Variants in CBFA2T2 observed in about 807,000 individuals in gnomAD.
CBFA2T2 encodes the protein protein CBFA2T2.
In CBFA2T2, 11 loss-of-function variants were observed where a neutral mutation model predicts 62.2. That is an observed-to-expected ratio of 0.18 (90% CI 0.11 to 0.29). The LOEUF (loss-of-function observed/expected upper bound fraction) is 0.29. Ranked by LOEUF, CBFA2T2 falls within the 10% of genes least tolerant of loss-of-function variation. CBFA2T2 has a pLI of 1.00. For synonymous variants in CBFA2T2, 295 were observed against 287.5 expected, an observed-to-expected ratio of 1.03 and a Z score of -0.27; for missense variants, 592 against 774.1, an observed-to-expected ratio of 0.76 and a Z score of 2.79.
chr20:33,643,825 A>ATGTGTG (rs58366038), intron 10 of CBFA2T2, among the ~76,000 whole-genome samples: 1,208 of 73,304 alleles, frequency 0.016, 39 homozygotes, highest in African/African-American at 0.023. Context: ...ATAGTATATA[A>ATGTGTG]TGTGTGTGTG....
chr20:33,494,049 T>C (rs1172843174), intron 1 of CBFA2T2, among the ~76,000 whole-genome samples: 1 of 149,760 alleles, frequency 6.7e-6, no homozygotes, highest in African/African-American at 2.5e-5. Flanking sequence ...CCCCTGGTAA[T>C]TTTGTGTTTT....
At chr20:33,526,730 C>CA (rs56981202) in intron 1 of CBFA2T2, among the ~76,000 whole-genome samples, 1,894 of 145,834 alleles carry the variant, frequency 0.013, 34 homozygotes, top group African/African-American at 0.043. Context: ...GCCAAATTTT[C>CA]AAAAAAAAAA....
chr20:33,559,528 C>A (rs1290089489), intron 1 of CBFA2T2, among the ~76,000 whole-genome samples: 1 of 151,960 alleles, frequency 6.6e-6, no homozygotes, highest in African/African-American at 2.4e-5. Flanking sequence ...TCCTCTGTCA[C>A]CAGCCTGGAG....
chr20:33,518,624 T>A (rs2146859642), intron 1 of CBFA2T2, among the ~76,000 whole-genome samples: 1 of 150,766 alleles, frequency 6.6e-6, no homozygotes, highest in South Asian at 2.1e-4. Context: ...AAAAAAAAAT[T>A]AGCTGGGCAT....
chr20:33,636,938 C>T (rs2016655343), intron 9 of CBFA2T2, among the ~76,000 whole-genome samples: 1 of 152,184 alleles, frequency 6.6e-6, no homozygotes, highest in African/African-American at 2.4e-5. Flanking sequence ...CAGTCCCTTT[C>T]ACACTCTTCC....
At chr20:33,630,024 T>G in intron 8 of CBFA2T2, 110 bp downstream of exon 8, 1 of 974,942 alleles carries the variant, frequency 1.0e-6, no homozygotes, top group Non-Finnish European at 1.5e-6. Context: ...GGTACTCAAT[T>G]GTGGATTTAG....
intron 3 of CBFA2T2, among the ~76,000 whole-genome samples, chr20:33,617,833 C>T (rs2015767430): frequency 6.6e-6 from 1 of 152,142 alleles, no homozygotes; most frequent in Non-Finnish European, 1.5e-5. Context: ...TTAAATTGGA[C>T]ATACCCCTTT....
At chr20:33,619,701 G>A (rs1053154970) in intron 4 of CBFA2T2, 95 bp downstream of exon 4, 15 of 834,782 alleles carry the variant, frequency 1.8e-5, no homozygotes, top group Middle Eastern at 3.4e-4. Context: ...CGCTTGCCAC[G>A]TTTTTAGATC....
intron 3 of CBFA2T2, 47 bp downstream of exon 3, chr20:33,611,382 C>A: frequency 6.2e-7 from 1 of 1,603,576 alleles, no homozygotes; most frequent in South Asian, 1.1e-5. Flanking sequence ...GTATGTGGCT[C>A]AGGTCCAAAG....
At chr20:33,545,439 CTCTTTCTTTCTTTCTTTCTT>C (rs142619958) in intron 1 of CBFA2T2, among the ~76,000 whole-genome samples, 1 of 148,146 alleles carries the variant, frequency 6.8e-6, no homozygotes, top group South Asian at 2.2e-4. Flanking sequence ...CTCTTTCTTT[CTCTTTCTTTCTTTCTTTCTT>C]TCTTTCTTTC....
chr20:33,628,769 T>C (rs2016344871), intron 7 of CBFA2T2, among the ~76,000 whole-genome samples: 1 of 152,168 alleles, frequency 6.6e-6, no homozygotes, highest in Non-Finnish European at 1.5e-5. Flanking sequence ...GCACTCAGCC[T>C]ACTTAATGCT....
chr20:33,529,493 G>A (rs911525571), intron 1 of CBFA2T2, among the ~76,000 whole-genome samples: 3 of 151,698 alleles, frequency 2.0e-5, no homozygotes, highest in Non-Finnish European at 4.4e-5. Flanking sequence ...AGCCAGGCAT[G>A]GTGGCTCGCG....
At chr20:33,513,106 T>TA (rs2011538292) in intron 1 of CBFA2T2, among the ~76,000 whole-genome samples, 1 of 152,102 alleles carries the variant, frequency 6.6e-6, no homozygotes, top group African/African-American at 2.4e-5. Context: ...TGGAGGGACA[T>TA]ACAGTGTGCA....
In CBFA2T2 at chr20:33,623,273, T is replaced by C. The variant is rs529484931; in HGVS notation, c.669T>C (p.Asn223=). 2.5e-6 allele frequency: 4 copies of C among 1,614,164 alleles called. No homozygotes were observed. The East Asian group carries it at 8.9e-5, about 36-fold the overall frequency. ...SSELLMEVHG[N]GKRPSPERRE... ...AGTTGCTCATGGAGGTGCACGGAAA[T>C]GGGAAGAGGCCCAGTCCAGAGAGGT... Residue 223 remains asparagine, a synonymous_variant, in exon 5 of 11, where the codon AAT becomes AAC. Transcript: ENST00000342704.
intron 2 of CBFA2T2, among the ~76,000 whole-genome samples, chr20:33,607,667 C>G (rs1006755577): frequency 1.3e-5 from 2 of 152,144 alleles, no homozygotes; most frequent in Non-Finnish European, 2.9e-5. Context: ...CTCACATGGT[C>G]TTTCCTCCAT....
chr20:33,649,236 A>G lies in CBFA2T2; in HGVS notation c.*4590A>G, dbSNP rs1333725108. On this transcript the variant is annotated 3_prime_UTR_variant, in exon 11 of 11. Transcript: ENST00000342704. ...AACCAAACGGAAGAATAGCCAGCGG[A>G]GCATGGACTGTTCCAGCACGGGCCA... is the stretch of plus-strand genomic sequence containing the variant. 1 of 152,326 alleles carries G rather than the reference A, an allele frequency of 6.6e-6. No homozygotes were observed. The allele number at this position is 152,326 out of a possible 1,614,324, so 9.4% of individuals were successfully genotyped here.
intron 1 of CBFA2T2, among the ~76,000 whole-genome samples, chr20:33,535,998 A>T (rs999939409): frequency 2.6e-5 from 4 of 152,218 alleles, no homozygotes; most frequent in African/African-American, 9.6e-5. Context: ...AAGGTCACCG[A>T]TCAACAGGAT....
At chr20:33,573,972 A>C in intron 1 of CBFA2T2, 1 of 366,086 alleles carries the variant, frequency 2.7e-6, no homozygotes, top group Non-Finnish European at 4.6e-6. Flanking sequence ...TTTTTTTTGT[A>C]GAGGTGGGGT....
chr20:33,588,489 A>G (rs972765121), intron 1 of CBFA2T2, among the ~76,000 whole-genome samples: 5 of 152,006 alleles, frequency 3.3e-5, no homozygotes, highest in African/African-American at 1.2e-4. Flanking sequence ...CGTGATATGT[A>G]TTTCTTTCTT....
Sources: gnomAD v4.1 joint callset for allele counts (sites outside exome capture counted in the v4.1 genomes callset) on GRCh38, gnomAD v4.1.1 for gene constraint, MANE v1.5 for transcripts, NCBI Gene and HGNC (gene_info 2026-07-23, HGNC 2026-07-21) for gene names.